Variants in SLC12A5 observed in about 807,000 individuals in gnomAD.
The protein encoded by SLC12A5 is solute carrier family 12 member 5, also known as K-Cl cotransporter 2.
SLC12A5 carries 18 observed loss-of-function variants against 124.0 expected under a neutral mutation model. The ratio of observed to expected loss-of-function variants is 0.15; its 90% CI spans 0.10 to 0.22. The LOEUF (loss-of-function observed/expected upper bound fraction) is 0.22, where lower values mean the gene tolerates loss of function less well. Among genes scored for constraint, SLC12A5 ranks in the 10% least tolerant of loss-of-function variants. The probability of loss-of-function intolerance (pLI) is 1.00; values close to 1 mark genes in which losing one functional copy is unlikely to be tolerated. For missense variants in SLC12A5, 867 were observed against 1,478.7 expected, an observed-to-expected ratio of 0.59 and a Z score of 6.78; for synonymous variants, 589 against 568.0, an observed-to-expected ratio of 1.04 and a Z score of -0.53.
chr20:46,044,538 G>A (rs1013986829), intron 11 of SLC12A5, among the ~76,000 whole-genome samples: 3 of 152,194 alleles, frequency 2.0e-5, no homozygotes, highest in East Asian at 1.9e-4. Flanking sequence ...GGCATTCCAG[G>A]CAATGGGGAG....
rs112855055 is a variant in SLC12A5, at chr20:46,051,048, G to A, written c.2182-627G>A. Among the ~76,000 whole-genome samples the A allele has an allele frequency of 5.1e-3, 772 of 152,212 alleles. 3 individuals carry two copies. Among genetic ancestry groups the A allele is most frequent in the African/African-American group, 0.016 (655 of 41,528 alleles). ...TGAACTTCTATCTGTTTGACTTAGG[G>A]GTGGTGGTTAAGAGTGTGGGGGTTG... On this transcript the variant is annotated intron_variant, in intron 17 of 25. Coordinates refer to ENST00000243964, the MANE Select transcript of SLC12A5 (RefSeq NM_020708.5).
intron 2 of SLC12A5, chr20:46,023,353 C>T (rs1285190865): frequency 1.5e-5 from 6 of 398,554 alleles, no homozygotes; most frequent in Non-Finnish European, 1.3e-5. Flanking sequence ...CTCAACCCTT[C>T]CTTTTTTCTT....
chr20:46,037,198 C>T (rs894691481), intron 5 of SLC12A5, 57 bp from the exon 6 acceptor site: 7 of 1,540,238 alleles, frequency 4.5e-6, no homozygotes, highest in Non-Finnish European at 6.1e-6. Flanking sequence ...CACCCCTCAC[C>T]CCTTACGGCA....
Position 46,058,837 on chromosome 20 carries a change from T to TC in SLC12A5, c.*1233dup. On this transcript the variant is annotated 3_prime_UTR_variant, in exon 26 of 26. Transcript: ENST00000243964. This position sits in a 1 kb window ranked among gnomAD's most constrained non-coding sequence, Gnocchi z 5.8. ...CCCCGTCCCCATCTGGCAGCTCCTG[T>TC]CTCGCCTGAGGGACCCAGCCGCCTT... The TC allele has an allele frequency of 2.5e-6, 1 of 397,806 alleles. No individual in the cohort carries two copies. Among genetic ancestry groups the TC allele is most frequent in the Non-Finnish European group, 4.4e-6 (1 of 226,110 alleles). 24.6% of individuals were successfully genotyped at this position (397,806 alleles called of 1,614,324 possible). A position where few individuals can be genotyped will look rare whatever the true frequency, so the allele number is the denominator to read the frequency against.
exon 2 of SLC12A5, chr20:46,022,941 A>AGGG (rs1568852669): frequency 8.1e-6 from 2 of 246,368 alleles, no homozygotes; most frequent in African/African-American, 5.1e-5. Flanking sequence ...GGCCCCAGCG[A>AGGG]GGGGAGGAGG....
chr20:46,021,702 G>A, upstream of SLC12A5: 4 of 1,522,040 alleles, frequency 2.6e-6, no homozygotes, highest in Admixed American at 2.0e-5. Context: ...CCCTCCTAGA[G>A]CCTGGTTGCA....
At chr20:46,026,906 C>T (rs1222365616), upstream of SLC12A5, among the ~76,000 whole-genome samples, 1 of 152,100 alleles carries the variant, frequency 6.6e-6, no homozygotes, top group Non-Finnish European at 1.5e-5. Context: ...TCTAGGTTTC[C>T]CCATGCATGG....
chr20:46,044,429 C>G (rs1048126627), intron 11 of SLC12A5, among the ~76,000 whole-genome samples: 2 of 152,174 alleles, frequency 1.3e-5, no homozygotes, highest in Admixed American at 1.3e-4. Context: ...CCAGGGAAGT[C>G]TTCTCAGAGG....
intron 5 of SLC12A5, 142 bp downstream of exon 5, chr20:46,036,937 G>C (rs1680631091): frequency 2.7e-6 from 3 of 1,123,022 alleles, no homozygotes; most frequent in Admixed American, 2.1e-5. Flanking sequence ...CAGCCCTATT[G>C]GGGGCAGAGG....
Position 46,056,194 on chromosome 20 carries a change from G to T in SLC12A5, c.2832G>T (p.Lys944Asn), listed in dbSNP as rs1434156491. The stretch of plus-strand genomic sequence containing the variant: ...AGTCACGAGGCTCAATCCGGAGAAA[G>T]AATCCAGCCAACACGCGGCTCCGCC... ...TDESRGSIRR[K>N]NPANTRLRLN... The change falls in exon 22 of 26, where the codon AAG becomes AAT. Residue 944 changes from lysine (K) to asparagine (N), a missense_variant. Physicochemically the swap from Lys to Asn is moderately conservative, Grantham distance 94. Around this residue, in one of 9 missense-constraint regions of SLC12A5, gnomAD observed 180 missense variants for 243.6 expected, o/e 0.74. Transcript: ENST00000243964. This position sits in a 1 kb window ranked among gnomAD's most constrained non-coding sequence, Gnocchi z 4.3. 1.2e-6 allele frequency: 2 copies of T among 1,614,182 alleles called. No individual in the cohort carries two copies.
chr20:46,059,871 C>T lies in SLC12A5; in HGVS notation c.*2266C>T. ...CAGGGCAATGCAATGAAGTTGAAAACCCTTGTAAATAGGAGAGGTTGCAAA... is the reference window on the plus strand; with the variant it reads ...CAGGGCAATGCAATGAAGTTGAAAATCCTTGTAAATAGGAGAGGTTGCAAA... On this transcript the variant is annotated 3_prime_UTR_variant, in exon 26 of 26. Transcript: ENST00000243964. 1 of 381,476 alleles carries T rather than the reference C, an allele frequency of 2.6e-6. No individual in the cohort carries two copies. The highest frequency in any genetic ancestry group is 4.5e-5 in the Admixed American group (1 of 22,122). 23.6% of individuals were successfully genotyped at this position (381,476 alleles called of 1,614,324 possible).
At position 46,057,449 on chromosome 20, in the gene SLC12A5, C is replaced by G; in HGVS notation, c.3260-65C>G. ...CGGGCGCGAGAGGTCCCCTGGCAGC[C>G]GAGCGCGACCCCAATTTCGTCGGGA... On this transcript the variant is annotated intron_variant, in intron 25 of 25. Coordinates refer to ENST00000243964, the MANE Select transcript of SLC12A5 (RefSeq NM_020708.5). This position sits in a 1 kb window ranked among gnomAD's most constrained non-coding sequence, Gnocchi z 7.1. 2 of 1,604,140 alleles carry G rather than the reference C, an allele frequency of 1.2e-6. No homozygotes were observed. The highest frequency in any genetic ancestry group is 1.7e-6 in the Non-Finnish European group (2 of 1,171,100).
At chr20:46,040,732 G>T in intron 7 of SLC12A5, 118 bp downstream of exon 7, 2 of 1,469,232 alleles carry the variant, frequency 1.4e-6, no homozygotes, top group East Asian at 2.4e-5. Flanking sequence ...TGTGGGTTGG[G>T]AGTAGCTTCC....
chr20:46,046,294 T>C, intron 13 of SLC12A5, 44 bp from the exon 14 acceptor site: 1 of 1,546,232 alleles, frequency 6.5e-7, no homozygotes, highest in Non-Finnish European at 8.9e-7. Flanking sequence ...TGTTTCTGCC[T>C]CCCTTTGCAT....
At chr20:46,027,575 C>T (rs1008120729), upstream of SLC12A5, 1 of 152,196 alleles carries the variant, frequency 6.6e-6, no homozygotes, top group African/African-American at 2.4e-5. Context: ...TAGCCCTGCA[C>T]CTCTGAAGCC....
intron 1 of SLC12A5, among the ~76,000 whole-genome samples, chr20:46,031,551 C>A (rs1404004970): frequency 6.6e-5 from 10 of 152,220 alleles, no homozygotes. Flanking sequence ...TGGGGATGAC[C>A]CGAGCAAGAG....
chr20:46,043,380 G>A, intron 9 of SLC12A5, 57 bp downstream of exon 9: 1 of 1,571,430 alleles, frequency 6.4e-7, no homozygotes, highest in Non-Finnish European at 8.7e-7. Context: ...GGAAGAGAGA[G>A]TCGATGATGA....
intron 3 of SLC12A5, 55 bp downstream of exon 3, chr20:46,035,590 G>T: frequency 7.9e-7 from 1 of 1,260,796 alleles, no homozygotes; most frequent in Non-Finnish European, 1.1e-6. Flanking sequence ...GGGGGTGGGG[G>T]AGGATGGGGG....
intron 18 of SLC12A5, among the ~76,000 whole-genome samples, chr20:46,052,296 C>G (rs1235647004): frequency 1.3e-5 from 2 of 152,258 alleles, no homozygotes; most frequent in African/African-American, 4.8e-5. Flanking sequence ...AGAATGAGTT[C>G]TGTGTGCCAG....
Sources: allele counts gnomAD v4.1 joint callset (sites outside exome capture counted in the v4.1 genomes callset), GRCh38; gene constraint gnomAD v4.1.1; regional missense constraint gnomAD v4.1.1; non-coding constraint Gnocchi (gnomAD v3.1); transcripts MANE v1.5; gene names NCBI Gene and HGNC (gene_info 2026-07-23, HGNC 2026-07-21).